CDON: variants seen among roughly 807,000 people sequenced by gnomAD.
CDON encodes the protein cell adhesion molecule-related/down-regulated by oncogenes.
CDON carries 73 observed loss-of-function variants against 120.9 expected under a neutral mutation model. The observed-to-expected ratio is 0.60, with a 90% CI of 0.50 to 0.73. CDON has a LOEUF of 0.73. Among genes scored for constraint, CDON ranks in the 30% least tolerant of loss-of-function variants. CDON has a pLI of 0.00. For missense variants in CDON, 1,470 were observed against 1,587.3 expected, an observed-to-expected ratio of 0.93 and a Z score of 1.26; for synonymous variants, 566 against 573.5, an observed-to-expected ratio of 0.99 and a Z score of 0.19.
At chr11:126,001,161 T>C (rs1189697348) in intron 11 of CDON, among the ~76,000 whole-genome samples, 2 of 151,384 alleles carry the variant, frequency 1.3e-5, no homozygotes, top group East Asian at 3.9e-4. Context: ...GTCCTTCTCT[T>C]ACCAGAGAAG....
In CDON at chr11:125,995,950, T is replaced by G. The variant is rs866339367; in HGVS notation, c.2363-898A>C. 4.6e-4 allele frequency among the ~76,000 whole-genome samples: 70 copies of G among 152,258 alleles called. 1 individual carries two copies. Among genetic ancestry groups the G allele is most frequent in the African/African-American group, 1.6e-3 (65 of 41,468 alleles). On this transcript the variant is annotated intron_variant, in intron 12 of 19. Coordinates refer to ENST00000531738, the MANE Select transcript of CDON (RefSeq NM_001378964.1). ...GTTTATTTATGCTTTTTGTCTTTTA[T>G]GGTTTAATTTCTCTCATATAGCCTC... is the stretch of plus-strand genomic sequence containing the variant.
chr11:125,977,844 C>A (rs898189660), intron 18 of CDON, among the ~76,000 whole-genome samples: 10 of 143,406 alleles, frequency 7.0e-5, no homozygotes, highest in African/African-American at 2.3e-4. Context: ...TAAAAAAAAA[C>A]ACTGGATAAT....
chr11:126,042,630 T>C (rs1948292375), intron 1 of CDON, among the ~76,000 whole-genome samples: 2 of 152,214 alleles, frequency 1.3e-5, no homozygotes, highest in African/African-American at 4.8e-5. Flanking sequence ...TTACTTTAGT[T>C]TTATTTTTGA....
chr11:126,031,896 A>G (rs1305352690), intron 1 of CDON, among the ~76,000 whole-genome samples: 1 of 152,156 alleles, frequency 6.6e-6, no homozygotes, highest in Non-Finnish European at 1.5e-5. Context: ...TCCTTTGACA[A>G]GCATAATAAA....
At chr11:126,010,205 G>T in intron 8 of CDON, 136 bp downstream of exon 8, 1 of 688,662 alleles carries the variant, frequency 1.5e-6, no homozygotes. Context: ...AAGAAATACA[G>T]TTCTACATTT....
intron 8 of CDON, among the ~76,000 whole-genome samples, chr11:126,006,429 A>G (rs1947132684): frequency 1.3e-5 from 2 of 152,176 alleles, no homozygotes; most frequent in South Asian, 4.1e-4. Context: ...GAACTTTGGG[A>G]GGCCGAGGCA....
chr11:125,996,779 T>C (rs1257930760), intron 12 of CDON, among the ~76,000 whole-genome samples: 1 of 151,872 alleles, frequency 6.6e-6, no homozygotes, highest in Non-Finnish European at 1.5e-5. Context: ...ATGGGTGAAT[T>C]TTAGGTGACT....
chr11:125,983,740 G>A (rs1591564810), intron 16 of CDON, 132 bp downstream of exon 16: 1 of 746,516 alleles, frequency 1.3e-6, no homozygotes. Context: ...CATCTCCTCT[G>A]AATGAAGAGT....
intron 1 of CDON, among the ~76,000 whole-genome samples, chr11:126,045,235 C>A (rs1285946175): frequency 6.6e-6 from 1 of 152,076 alleles, no homozygotes; most frequent in African/African-American, 2.4e-5. Context: ...ACCATGTTGG[C>A]CAGGATGGTC....
At chr11:125,979,146 A>T (rs1159986294) in intron 17 of CDON, among the ~76,000 whole-genome samples, 2 of 152,232 alleles carry the variant, frequency 1.3e-5, no homozygotes, top group African/African-American at 4.8e-5. Flanking sequence ...GCAGAACTGA[A>T]TTTGATAAAA....
intron 15 of CDON, among the ~76,000 whole-genome samples, chr11:125,986,205 C>A (rs190110380): frequency 3.9e-5 from 6 of 152,082 alleles, no homozygotes; most frequent in African/African-American, 1.4e-4. Flanking sequence ...CTGAGCAAAA[C>A]CAAACACTGC....
intron 2 of CDON, among the ~76,000 whole-genome samples, chr11:126,022,101 C>CAAA (rs56788784): frequency 2.0e-3 from 114 of 56,392 alleles, no homozygotes; most frequent in African/African-American, 2.7e-3. Context: ...GACCCTGCTT[C>CAAA]AAAAAAAAAA....
At position 126,017,268 on chromosome 11, in the gene CDON, C is replaced by A; in HGVS notation, c.748G>T (p.Ala250Ser). 1 of 1,614,064 alleles carries A rather than the reference C, an allele frequency of 6.2e-7. No individual in the cohort carries two copies. Among genetic ancestry groups the A allele is most frequent in the Non-Finnish European group, 8.5e-7 (1 of 1,180,022 alleles). The change falls in exon 6 of 20, where the codon GCT becomes TCT. Residue 250 changes from alanine (A) to serine (S), a missense_variant. Transcript: ENST00000531738. ...TLECVVSGVP[A>S]PQVYWLKDGQ... ...TCCTTTAGCCAATACACTTGAGGAG[C>A]CGGGACCCCACTCACCACACACTCC...
chr11:126,023,678 C>A, intron 1 of CDON, 141 bp from the exon 2 acceptor site: 1 of 627,648 alleles, frequency 1.6e-6, no homozygotes, highest in African/African-American at 1.8e-5. Flanking sequence ...TTATCCAGAT[C>A]TTCCCAATTC....
Position 125,981,225 on chromosome 11 carries a change from C to G in CDON, c.3100G>C (p.Gly1034Arg), listed in dbSNP as rs199957528. Residue 1034 changes from glycine to arginine, a missense_variant, in exon 17 of 20, where the codon GGA becomes CGA. Coordinates refer to ENST00000531738, the MANE Select transcript of CDON (RefSeq NM_001378964.1). ...GASQINGNVH[G>R]GFLTNGGLSS... ...AGACCGCCATTGGTTAGGAAGCCTCCGTGAACATTTCCATTTATCTGACTT... is the reference window on the plus strand; with the variant it reads ...AGACCGCCATTGGTTAGGAAGCCTCGGTGAACATTTCCATTTATCTGACTT... 3.7e-6 allele frequency: 6 copies of G among 1,614,150 alleles called. No individual in the cohort carries two copies. The African/African-American group carries it at 6.7e-5, about 18-fold the overall frequency.
At chr11:126,063,205 G>T, upstream of CDON, 1 of 152,430 alleles carries the variant, frequency 6.6e-6, no homozygotes. Flanking sequence ...GTGTAGGACA[G>T]GTAAGGGTGA....
rs769448468 is a variant in CDON, at chr11:126,006,003, TG to T, written c.1606del (p.Gln536ArgfsTer16). The T allele has an allele frequency of 6.2e-7, 1 of 1,614,176 alleles. No homozygotes were observed. Among genetic ancestry groups the T allele is most frequent in the South Asian group, 1.1e-5 (1 of 91,084 alleles). On this transcript the variant is annotated frameshift_variant, in exon 9 of 20. Coordinates refer to ENST00000531738, the MANE Select transcript of CDON (RefSeq NM_001378964.1). LOFTEE classifies it high-confidence loss of function. ...ATCTCTCTTACTTCTGTCATCATTC[TG>T]AGCAGCATCAGGAAGTGTGACTGTC... ...AETVTLPDAA[Q>X]NDDRSKRDGS...
chr11:125,976,886 G>A (rs775984875), intron 18 of CDON, among the ~76,000 whole-genome samples: 38 of 152,278 alleles, frequency 2.5e-4, no homozygotes, highest in Non-Finnish European at 3.8e-4. Context: ...CAAGATCACA[G>A]GTTTAAGCTA....
At chr11:125,971,374 C>T (rs569836529) in intron 18 of CDON, among the ~76,000 whole-genome samples, 2 of 120,772 alleles carry the variant, frequency 1.7e-5, no homozygotes, top group South Asian at 5.2e-4. Context: ...CACAGCGAGA[C>T]TCTGTCTCTA....
Sources: gnomAD v4.1 joint callset for allele counts (sites outside exome capture counted in the v4.1 genomes callset) on GRCh38, gnomAD v4.1.1 for gene constraint, MANE v1.5 for transcripts, NCBI Gene and HGNC (gene_info 2026-07-23, HGNC 2026-07-21) for gene names.